Variants in SHISA5 observed in about 807,000 individuals in gnomAD.
SHISA5 encodes shisa family member 5, also known as protein shisa-5.
Under a neutral mutation model 27.5 loss-of-function variants are expected in SHISA5, and 21 were observed. The ratio of observed to expected loss-of-function variants is 0.76; its 90% CI spans 0.54 to 1.10. The LOEUF (loss-of-function observed/expected upper bound fraction) is 1.10. Among genes scored for constraint, SHISA5 ranks in the 50% least tolerant of loss-of-function variants. SHISA5 has a pLI of 0.00. For missense variants in SHISA5, 314 were observed against 336.3 expected, an observed-to-expected ratio of 0.93 and a Z score of 0.52; for synonymous variants, 137 against 142.2, an observed-to-expected ratio of 0.96 and a Z score of 0.26.
At chr3:48,482,616 T>G (rs187900436) in intron 2 of SHISA5, among the ~76,000 whole-genome samples, 16 of 152,084 alleles carry the variant, frequency 1.1e-4, no homozygotes, top group Non-Finnish European at 2.1e-4. Context: ...TTCAAGGACC[T>G]CATTTTTAGC....
At chr3:48,497,800 A>C (rs1157657584) in intron 2 of SHISA5, among the ~76,000 whole-genome samples, 2 of 151,824 alleles carry the variant, frequency 1.3e-5, no homozygotes, top group Non-Finnish European at 2.9e-5. Flanking sequence ...AGGTAGGAGG[A>C]TATGCTTCAG....
At chr3:48,504,263 G>A (rs2041840620), upstream of SHISA5, 2 of 373,902 alleles carry the variant, frequency 5.3e-6, no homozygotes, top group African/African-American at 2.1e-5. This position sits in a 1 kb window ranked among gnomAD's most constrained non-coding sequence, Gnocchi z 4.0. Flanking sequence ...GGAGGAGGGA[G>A]GAGGGAGGAG....
At chr3:48,477,244 G>A (rs1340296889) in intron 3 of SHISA5, among the ~76,000 whole-genome samples, 4 of 151,848 alleles carry the variant, frequency 2.6e-5, no homozygotes, top group African/African-American at 4.8e-5. Flanking sequence ...ACAGGCACCC[G>A]CCAACACGCC....
chr3:48,470,852 G>A lies in SHISA5; in HGVS notation c.315-1009C>T, dbSNP rs923112103. Among the ~76,000 whole-genome samples the A allele has an allele frequency of 3.3e-5, 5 of 151,422 alleles. No individual in the cohort carries two copies. Among genetic ancestry groups the A allele is most frequent in the African/African-American group, 7.3e-5 (3 of 41,202 alleles). On this transcript the variant is annotated intron_variant, in intron 3 of 5. Transcript: ENST00000296444. This position sits in a 1 kb window ranked among gnomAD's most constrained non-coding sequence, Gnocchi z 4.3. ...TGAGGCAGGAGAATCGCTTGAACCC[G>A]AGAGGCAGAGGTTGCATTCAGCCAA...
At chr3:48,478,367 CCA>C (rs1391880627) in intron 3 of SHISA5, among the ~76,000 whole-genome samples, 1 of 152,156 alleles carries the variant, frequency 6.6e-6, no homozygotes. Context: ...CCCAAGCCCC[CCA>C]CTCAGGCCCA....
intron 1 of SHISA5, among the ~76,000 whole-genome samples, chr3:48,501,988 G>A (rs1243074597): frequency 1.1e-4 from 17 of 151,834 alleles, no homozygotes; most frequent in African/African-American, 4.1e-4. Context: ...AGCTTCCCGA[G>A]TAGCTGGGAT....
chr3:48,480,703 A>G (rs1220360305), intron 2 of SHISA5, among the ~76,000 whole-genome samples: 2 of 151,816 alleles, frequency 1.3e-5, no homozygotes, highest in Non-Finnish European at 1.5e-5. Flanking sequence ...AGGTTGCAGT[A>G]AGCTCAGATC....
intron 2 of SHISA5, among the ~76,000 whole-genome samples, chr3:48,482,700 A>G (rs542505784): frequency 1.3e-5 from 2 of 151,996 alleles, no homozygotes; most frequent in African/African-American, 4.8e-5. Flanking sequence ...CAGTGGTGCA[A>G]TCTCGGCTCA....
intron 2 of SHISA5, among the ~76,000 whole-genome samples, chr3:48,479,953 G>C (rs1382978511): frequency 6.7e-6 from 1 of 150,196 alleles, no homozygotes; most frequent in East Asian, 2.0e-4. Flanking sequence ...GCCCAGGCTG[G>C]AGTGCGGTGG....
At chr3:48,477,848 GCTCTGGCTCT>G (rs776916555) in intron 3 of SHISA5, among the ~76,000 whole-genome samples, 7 of 152,316 alleles carry the variant, frequency 4.6e-5, no homozygotes, top group African/African-American at 9.6e-5. Context: ...TTGCCACCAA[GCTCTGGCTCT>G]CTCTGGCTCT....
At chr3:48,479,119 C>G in intron 3 of SHISA5, 58 bp downstream of exon 3, 1 of 1,499,266 alleles carries the variant, frequency 6.7e-7, no homozygotes, top group South Asian at 1.2e-5. Flanking sequence ...ACTGGCCCCC[C>G]TGAGCCCTCT....
chr3:48,468,290 C>G lies in SHISA5; in HGVS notation c.*817G>C. ...AATGAAAACACTGCAGGGAAGAGAA[C>G]TGAGTGTGCTGGTGGACAGGAGCCC... On this transcript the variant is annotated 3_prime_UTR_variant, in exon 6 of 6. Coordinates refer to ENST00000296444, the MANE Select transcript of SHISA5 (RefSeq NM_016479.6). 11 of 1,018,804 alleles carry G rather than the reference C, an allele frequency of 1.1e-5. No individual in the cohort carries two copies. The highest frequency in any genetic ancestry group is 1.2e-5 in the Non-Finnish European group (10 of 849,940). The allele number at this position is 1,018,804 out of a possible 1,614,324, so 63.1% of individuals were successfully genotyped here. A position where few individuals can be genotyped will look rare whatever the true frequency, so the allele number is the denominator to read the frequency against.
Position 48,467,986 on chromosome 3 carries a change from CGAG to C in SHISA5, c.*1118_*1120del. On this transcript the variant is annotated 3_prime_UTR_variant, in exon 6 of 6. Coordinates refer to ENST00000296444, the MANE Select transcript of SHISA5 (RefSeq NM_016479.6). ...AACAGTAATAGAGGGAGGAGGAACA[CGAG>C]GTATTCATGTCTGGGCCAGAGCTGC... 1 of 271,276 alleles carries C rather than the reference CGAG, an allele frequency of 3.7e-6. No homozygotes were observed. Among genetic ancestry groups the C allele is most frequent in the East Asian group, 1.0e-4 (1 of 9,966 alleles). 16.8% of individuals were successfully genotyped at this position (271,276 alleles called of 1,614,324 possible).
At chr3:48,474,385 G>A (rs2040748950) in intron 3 of SHISA5, among the ~76,000 whole-genome samples, 1 of 151,226 alleles carries the variant, frequency 6.6e-6, no homozygotes, top group African/African-American at 2.4e-5. Context: ...ACCCAGGCTG[G>A]AGTGCAATGG....
At chr3:48,483,721 A>AC (rs1553826200) in intron 2 of SHISA5, among the ~76,000 whole-genome samples, 2 of 142,814 alleles carry the variant, frequency 1.4e-5, no homozygotes, top group African/African-American at 2.7e-5. Context: ...TGGGGGGCTG[A>AC]CCCCCCCACC....
At chr3:48,484,448 T>A (rs1215791108) in intron 2 of SHISA5, among the ~76,000 whole-genome samples, 2 of 151,266 alleles carry the variant, frequency 1.3e-5, no homozygotes, top group Non-Finnish European at 2.9e-5. Context: ...ATACAAAAAT[T>A]AGCGGGGCGT....
At chr3:48,495,872 C>T (rs1389442744) in intron 2 of SHISA5, among the ~76,000 whole-genome samples, 1 of 147,170 alleles carries the variant, frequency 6.8e-6, no homozygotes, top group Non-Finnish European at 1.5e-5. Context: ...AAATTGTGGC[C>T]GGGTGCAGTG....
At chr3:48,499,039 A>G (rs1420615318) in intron 2 of SHISA5, among the ~76,000 whole-genome samples, 1 of 146,634 alleles carries the variant, frequency 6.8e-6, no homozygotes, top group East Asian at 2.0e-4. Flanking sequence ...CCAAGAACAC[A>G]CCATTGCACT....
Position 48,468,797 on chromosome 3 carries a change from C to T in SHISA5, c.*310G>A, listed in dbSNP as rs1560115891. ...GTGCCCTGGAGAGGCCCCCACCTCT[C>T]AGGGGCCACCTCACAGGGTGCCCCC... On this transcript the variant is annotated 3_prime_UTR_variant, in exon 6 of 6. Transcript: ENST00000296444. The T allele has an allele frequency of 1.4e-6, 2 of 1,437,332 alleles. No homozygotes were observed. Among genetic ancestry groups the T allele is most frequent in the Non-Finnish European group, 9.2e-7 (1 of 1,083,618 alleles). The allele number at this position is 1,437,332 out of a possible 1,614,324, so 89.0% of individuals were successfully genotyped here. A position where few individuals can be genotyped will look rare whatever the true frequency, so the allele number is the denominator to read the frequency against.
Sources: gnomAD v4.1 joint callset for allele counts (sites outside exome capture counted in the v4.1 genomes callset) on GRCh38, gnomAD v4.1.1 for gene constraint, Gnocchi (gnomAD v3.1) non-coding constraint, MANE v1.5 for transcripts, NCBI Gene and HGNC (gene_info 2026-07-23, HGNC 2026-07-21) for gene names.